Variants in PHEX observed in about 807,000 individuals in gnomAD.
PHEX encodes the protein phosphate regulating endopeptidase X-linked.
In PHEX, 16 loss-of-function variants were observed where a neutral mutation model predicts 68.0. That is an observed-to-expected ratio of 0.24 (90% CI 0.16 to 0.36). The LOEUF is 0.36. Among genes scored for constraint, PHEX ranks in the 10% least tolerant of loss-of-function variants. The probability of loss-of-function intolerance (pLI) is 1.00; values close to 1 mark genes in which losing one functional copy is unlikely to be tolerated. For synonymous variants in PHEX, 208 were observed against 205.1 expected (o/e 1.01, Z -0.12); for missense variants, 480 against 575.5 (o/e 0.83, Z 1.70).
At chrX:22,241,535 T>C (rs1936195404) in intron 20 of PHEX, among the ~76,000 whole-genome samples, 1 of 109,763 alleles carries the variant, frequency 9.1e-6, no homozygotes, top group African/African-American at 3.3e-5. Context: ...GCCAGACTAA[T>C]AAAGAATAAA....
chrX:22,041,385 C>G (rs1336482941), intron 2 of PHEX, among the ~76,000 whole-genome samples: 1 of 106,696 alleles, frequency 9.4e-6, no homozygotes, highest in African/African-American at 3.5e-5. Context: ...AGTGCTATCA[C>G]CAGCCTCACT....
intron 2 of PHEX, among the ~76,000 whole-genome samples, chrX:22,046,065 C>T (rs969594763): frequency 3.6e-5 from 4 of 111,543 alleles, no homozygotes; most frequent in African/African-American, 6.5e-5. Flanking sequence ...GTTTCTCTGC[C>T]GATTTTTGCC....
intron 10 of PHEX, among the ~76,000 whole-genome samples, chrX:22,113,814 T>C (rs758428746): frequency 9.0e-6 from 1 of 110,973 alleles, no homozygotes; most frequent in East Asian, 2.8e-4. Flanking sequence ...TTGGATAGCA[T>C]CCTCTCATGT....
intron 3 of PHEX, among the ~76,000 whole-genome samples, chrX:22,053,998 T>C (rs1927958695): frequency 8.9e-6 from 1 of 111,907 alleles, no homozygotes; most frequent in African/African-American, 3.2e-5. Context: ...ACAATGGAAA[T>C]CTGAAAACTT....
At chrX:22,120,896 G>C (rs1462000635) in intron 11 of PHEX, among the ~76,000 whole-genome samples, 2 of 112,177 alleles carry the variant, frequency 1.8e-5, no homozygotes, top group Non-Finnish European at 3.8e-5. Flanking sequence ...AAAAGGCCTT[G>C]TTGCTGTAAC....
chrX:22,249,913 A>G lies in PHEX; in HGVS notation c.*1960A>G, dbSNP rs748292420. ...AAATAAACACATTCCTGCAGGTCAGAGAAAGTGTTTGATAAAAGCATAGAA... is the reference window on the plus strand; with the variant it reads ...AAATAAACACATTCCTGCAGGTCAGGGAAAGTGTTTGATAAAAGCATAGAA... On this transcript the variant is annotated 3_prime_UTR_variant, in exon 22 of 22. Coordinates refer to ENST00000379374, the MANE Select transcript of PHEX (RefSeq NM_000444.6). 1.8e-5 allele frequency: 2 copies of G among 111,595 alleles called. No individual in the cohort carries two copies. Among genetic ancestry groups the G allele is most frequent in the Non-Finnish European group, 3.8e-5 (2 of 53,131 alleles). 9.2% of individuals were successfully genotyped at this position (111,595 alleles called of 1,213,427 possible).
At chrX:22,182,941 C>T (rs2147132213) in intron 14 of PHEX, among the ~76,000 whole-genome samples, 1 of 111,918 alleles carries the variant, frequency 8.9e-6, no homozygotes, top group South Asian at 3.7e-4. Flanking sequence ...TTTATTGCTC[C>T]CCCTTGATGA....
chrX:22,230,009 C>G (rs1676172014), intron 20 of PHEX, among the ~76,000 whole-genome samples: 1 of 110,992 alleles, frequency 9.0e-6, no homozygotes, highest in Non-Finnish European at 1.9e-5. Flanking sequence ...AATCCTTTCC[C>G]CATTGCTTGT....
chrX:22,070,008 G>T (rs1307451937), intron 3 of PHEX, among the ~76,000 whole-genome samples: 2 of 111,369 alleles, frequency 1.8e-5, no homozygotes, highest in African/African-American at 6.5e-5. Flanking sequence ...AAAATTTTCA[G>T]TATAGTAAAT....
intron 15 of PHEX, among the ~76,000 whole-genome samples, chrX:22,197,436 T>C (rs1934401342): frequency 9.0e-6 from 1 of 110,977 alleles, no homozygotes; most frequent in African/African-American, 3.3e-5. Context: ...TAATGTTCAC[T>C]CTGGGGGAAG....
At chrX:22,105,815 C>G (rs1490657925) in intron 9 of PHEX, among the ~76,000 whole-genome samples, 1 of 112,054 alleles carries the variant, frequency 8.9e-6, no homozygotes, top group Non-Finnish European at 1.9e-5. Context: ...TAAGCTGCCA[C>G]TACAATTTGA....
At chrX:22,247,488 A>C (rs1254741179) in intron 21 of PHEX, among the ~76,000 whole-genome samples, 1 of 112,325 alleles carries the variant, frequency 8.9e-6, no homozygotes, top group East Asian at 2.8e-4. Context: ...TAATATGGGC[A>C]TATACACACA....
At position 22,130,691 on chromosome X, in the gene PHEX, C is replaced by T. The variant is rs753159704; in HGVS notation, c.1303-2832C>T. Reference sequence around the variant, plus strand: ...ACTTATGCATCTCTCAGTTGATTCCCTTTCACTCCCTGGCATTTCTCTCTG... The same window carrying T: ...ACTTATGCATCTCTCAGTTGATTCCTTTTCACTCCCTGGCATTTCTCTCTG... On this transcript the variant is annotated intron_variant, in intron 11 of 21. Coordinates refer to ENST00000379374, the MANE Select transcript of PHEX (RefSeq NM_000444.6). 7.2e-5 allele frequency among the ~76,000 whole-genome samples: 8 copies of T among 110,828 alleles called. No homozygotes were observed. The South Asian group carries it at 3.1e-3, about 43-fold the overall frequency.
At chrX:22,152,442 C>T (rs1932869525) in intron 12 of PHEX, among the ~76,000 whole-genome samples, 1 of 111,970 alleles carries the variant, frequency 8.9e-6, no homozygotes, top group Admixed American at 9.5e-5. Flanking sequence ...AAGGCCCTTC[C>T]CTTCCCATCC....
At chrX:22,243,336 A>G (rs1936288483) in intron 20 of PHEX, among the ~76,000 whole-genome samples, 1 of 112,306 alleles carries the variant, frequency 8.9e-6, no homozygotes, top group Non-Finnish European at 1.9e-5. Context: ...ATCCTAGAAG[A>G]AAACCTGGGC....
In PHEX at chrX:22,248,024, G is replaced by A. The variant is rs186466573; in HGVS notation, c.*71G>A. The A allele has an allele frequency of 3.1e-5, 23 of 753,330 alleles. No homozygotes were observed. The highest frequency in any genetic ancestry group is 4.2e-5 in the South Asian group (2 of 47,513). The allele number at this position is 753,330 out of a possible 1,213,427, so 62.1% of individuals were successfully genotyped here. On this transcript the variant is annotated 3_prime_UTR_variant, in exon 22 of 22. Transcript: ENST00000379374. ...GCGGAGGCTGCACTGAGCCTTCATC[G>A]CCCATTGCTTTAGGCCTGGAGACTT...
intron 11 of PHEX, among the ~76,000 whole-genome samples, chrX:22,127,797 G>GA (rs1334676472): frequency 3.1e-4 from 33 of 107,582 alleles, no homozygotes; most frequent in African/African-American, 9.8e-4. Context: ...AGGCTCATGG[G>GA]AAAAAAAAAG....
At chrX:22,078,771 C>A (rs1467120720) in intron 5 of PHEX, among the ~76,000 whole-genome samples, 1 of 111,821 alleles carries the variant, frequency 8.9e-6, no homozygotes, top group East Asian at 2.8e-4. Flanking sequence ...AAAGGTATGG[C>A]TGTATGGCGG....
chrX:22,094,521 C>G (rs760381476), intron 7 of PHEX, among the ~76,000 whole-genome samples: 3 of 112,474 alleles, frequency 2.7e-5, no homozygotes, highest in Non-Finnish European at 5.6e-5. Flanking sequence ...TATGCTATCC[C>G]CACTCAGAGT....
Sources: allele counts gnomAD v4.1 joint callset (sites outside exome capture counted in the v4.1 genomes callset), GRCh38; gene constraint gnomAD v4.1.1; transcripts MANE v1.5; gene names NCBI Gene and HGNC (gene_info 2026-07-23, HGNC 2026-07-21).